The following NPM1 variants were observed in gnomAD, a reference collection of about 807,000 sequenced individuals.
NPM1 encodes the protein nucleophosmin.
Under a neutral mutation model 44.1 loss-of-function variants are expected in NPM1, and 1 was observed. The ratio of observed to expected loss-of-function variants is 0.02; its 90% CI spans 0.01 to 0.11. The LOEUF (loss-of-function observed/expected upper bound fraction) is 0.11, where lower values mean the gene tolerates loss of function less well. NPM1 is among the 10% of genes least tolerant of loss of function. The probability of loss-of-function intolerance (pLI) is 1.00; values close to 1 mark genes in which losing one functional copy is unlikely to be tolerated. For missense variants in NPM1, 197 were observed against 347.8 expected (o/e 0.57, Z 3.45); for synonymous variants, 126 against 111.8 (o/e 1.13, Z -0.80).
chr5:171,391,244 TG>T (rs563507857), intron 2 of NPM1, 60 bp from the exon 3 acceptor site: 53 of 1,577,036 alleles, frequency 3.4e-5, no homozygotes, highest in Middle Eastern at 2.0e-4. Context: ...TAACATTTAG[TG>T]GGGGGGTGTA....
At chr5:171,391,864 G>C in intron 4 of NPM1, 65 bp downstream of exon 4, 1 of 961,892 alleles carries the variant, frequency 1.0e-6, no homozygotes, top group Admixed American at 2.0e-5. Flanking sequence ...TTGGTTCCCA[G>C]TTTGGACTTA....
In NPM1 at chr5:171,387,896, G is replaced by T. The variant is rs531273939; in HGVS notation, c.-53G>T. The T allele has an allele frequency of 3.8e-6, 6 of 1,564,424 alleles. No homozygotes were observed. In the African/African-American group the frequency reaches 5.4e-5, roughly 14 times the overall value. On this transcript the variant is annotated 5_prime_UTR_variant, in exon 1 of 11. Transcript: ENST00000296930. ...CTGCGCGGTTGTTCTCTGGAGCAGC[G>T]TTCTTTTATCTCCGTCCGCCTTCTC...
intron 6 of NPM1, among the ~76,000 whole-genome samples, chr5:171,396,795 A>G (rs1465267721): frequency 2.0e-5 from 3 of 152,176 alleles, no homozygotes; most frequent in African/African-American, 7.2e-5. Context: ...AGCCTGGCCA[A>G]TATGGTGAAA....
intron 2 of NPM1, 58 bp from the exon 3 acceptor site, chr5:171,391,247 G>A (rs932681988): frequency 6.3e-7 from 1 of 1,586,074 alleles, no homozygotes; most frequent in Non-Finnish European, 8.6e-7. Context: ...CATTTAGTGG[G>A]GGGGTGTAAA....
chr5:171,404,801 T>C (rs1581256960), intron 8 of NPM1, among the ~76,000 whole-genome samples: 1 of 151,156 alleles, frequency 6.6e-6, no homozygotes, highest in African/African-American at 2.4e-5. Context: ...GAGGTGTAGG[T>C]TGTAGTGAGC....
At chr5:171,404,708 G>C (rs371763035) in intron 8 of NPM1, among the ~76,000 whole-genome samples, 1 of 144,312 alleles carries the variant, frequency 6.9e-6, no homozygotes, top group Admixed American at 7.0e-5. Context: ...GCCAGGCAGA[G>C]ACACTCCTCA....
At chr5:171,391,102 C>G (rs555557768) in intron 2 of NPM1, 1 of 557,844 alleles carries the variant, frequency 1.8e-6, no homozygotes, top group Non-Finnish European at 3.2e-6. Flanking sequence ...AGGTTTGTAG[C>G]CTAGGTGTGT....
rs565674673 is a variant in NPM1 at position 171,410,829 on chromosome 5, A to C, written c.*264A>C. On this transcript the variant is annotated 3_prime_UTR_variant, in exon 11 of 11. Coordinates refer to ENST00000296930, the MANE Select transcript of NPM1 (RefSeq NM_002520.7). Reference sequence around the variant, plus strand: ...GTAGTAGCGGTGGTCAGACATGGAAATGGTGGGGAGACAAAAATATACATG... The same window carrying C: ...GTAGTAGCGGTGGTCAGACATGGAACTGGTGGGGAGACAAAAATATACATG... 12 of 340,146 alleles carry C rather than the reference A, an allele frequency of 3.5e-5. No individual in the cohort carries two copies. Among genetic ancestry groups the C allele is most frequent in the African/African-American group, 2.3e-4 (11 of 47,640 alleles). The allele number at this position is 340,146 out of a possible 1,614,324, so 21.1% of individuals were successfully genotyped here.
At chr5:171,397,061 G>GA (rs1561868653) in intron 6 of NPM1, among the ~76,000 whole-genome samples, 2 of 152,250 alleles carry the variant, frequency 1.3e-5, no homozygotes, top group African/African-American at 4.8e-5. Context: ...ACCTCAATGA[G>GA]AAATCGTACT....
At chr5:171,400,985 G>A (rs1771169164) in intron 8 of NPM1, 60 bp downstream of exon 8, 19 of 1,149,342 alleles carry the variant, frequency 1.7e-5, no homozygotes, top group African/African-American at 1.2e-4. Context: ...AGATTCTACT[G>A]TGGAAGAATC....
chr5:171,387,812 C>A (rs1011210552), upstream of NPM1: 20 of 788,840 alleles, frequency 2.5e-5, no homozygotes, highest in Non-Finnish European at 3.6e-5. Flanking sequence ...CTCGCGAGAT[C>A]TTCAGGGTCT....
intron 7 of NPM1, 141 bp from the exon 8 acceptor site, chr5:171,400,697 CG>C (rs1771152364): frequency 1.7e-6 from 1 of 579,534 alleles, no homozygotes; most frequent in Admixed American, 2.9e-5. Context: ...CCACCTGCCT[CG>C]GCCTCCCAAA....
At chr5:171,400,532 C>G (rs1377192358) in intron 7 of NPM1, among the ~76,000 whole-genome samples, 3 of 150,940 alleles carry the variant, frequency 2.0e-5, no homozygotes, top group Admixed American at 6.6e-5. Context: ...TCTCAGCTCA[C>G]TGCAACTTCT....
chr5:171,387,967 A>T lies in NPM1; in HGVS notation c.19A>T (p.Met7Leu). 6.3e-7 allele frequency: 1 copy of T among 1,590,530 alleles called. No homozygotes were observed. Among genetic ancestry groups the T allele is most frequent in the Non-Finnish European group, 8.6e-7 (1 of 1,165,548 alleles). ...CCACCCGATGGAAGATTCGATGGACATGGACATGAGCCCCCTGAGGCCCCA... is the reference window on the plus strand; with the variant it reads ...CCACCCGATGGAAGATTCGATGGACTTGGACATGAGCCCCCTGAGGCCCCA... MEDSMD[M>L]DMSPLRPQNY... The change falls in exon 1 of 11, where the codon ATG becomes TTG. Residue 7 changes from methionine to leucine, a missense_variant. Physicochemically the swap from Met to Leu is conservative, Grantham distance 15. Coordinates refer to ENST00000296930, the MANE Select transcript of NPM1 (RefSeq NM_002520.7).
intron 9 of NPM1, chr5:171,407,392 A>G (rs1479471575): frequency 6.0e-6 from 2 of 335,374 alleles, no homozygotes; most frequent in East Asian, 1.3e-4. Flanking sequence ...TTGTTAGATA[A>G]TTTAGATAAG....
intron 10 of NPM1, among the ~76,000 whole-genome samples, chr5:171,410,218 C>CAG (rs60570384): frequency 0.55 from 83,015 of 151,944 alleles, 22,691 homozygotes; most frequent in Middle Eastern, 0.6. Flanking sequence ...AAGCTGATCT[C>CAG]GGGAGATGAA....
rs201905499 is a variant in NPM1, at chr5:171,400,949, G to C, written c.669+24G>C. ...AAGTAAGTGGCTACATTTACACGTG[G>C]GTCTCATTGATCTAGTTGGGGAAAA... On this transcript the variant is annotated intron_variant, in intron 8 of 10. Coordinates refer to ENST00000296930, the MANE Select transcript of NPM1 (RefSeq NM_002520.7). The C allele has an allele frequency of 1.1e-5, 16 of 1,471,334 alleles. No individual in the cohort carries two copies. In the East Asian group the frequency reaches 3.6e-4, roughly 33 times the overall value. 91.1% of individuals were successfully genotyped at this position (1,471,334 alleles called of 1,614,324 possible).
rs527309039 is a variant in NPM1 at position 171,387,849 on chromosome 5, C to T, written c.-100C>T. ...TATATAAGCGCGGGGAGCCTGCGTC[C>T]TTTCCCTGGTGTGATTCCGTCCTGC... On this transcript the variant is annotated 5_prime_UTR_variant, in exon 1 of 11. Coordinates refer to ENST00000296930, the MANE Select transcript of NPM1 (RefSeq NM_002520.7). The T allele has an allele frequency of 2.9e-4, 337 of 1,146,282 alleles. 4 individuals carry two copies. The South Asian group carries it at 3.0e-3, about 10-fold the overall frequency. The allele number at this position is 1,146,282 out of a possible 1,614,324, so 71.0% of individuals were successfully genotyped here. A position where few individuals can be genotyped will look rare whatever the true frequency, so the allele number is the denominator to read the frequency against.
At chr5:171,388,766 A>AT (rs1561862594) in intron 1 of NPM1, among the ~76,000 whole-genome samples, 1 of 152,126 alleles carries the variant, frequency 6.6e-6, no homozygotes, top group African/African-American at 2.4e-5. Flanking sequence ...GGCAGCTCTC[A>AT]TTTTTTTGAG....
Sources: allele counts gnomAD v4.1 joint callset (sites outside exome capture counted in the v4.1 genomes callset), GRCh38; gene constraint gnomAD v4.1.1; transcripts MANE v1.5; gene names NCBI Gene and HGNC (gene_info 2026-07-23, HGNC 2026-07-21).